The following KIAA1549 variants were observed in gnomAD, a reference collection of about 807,000 sequenced individuals.
KIAA1549 encodes the protein UPF0606 protein KIAA1549.
A neutral mutation model predicts 156.4 loss-of-function variants in KIAA1549; 70 were observed. The ratio of observed to expected loss-of-function variants is 0.45; its 90% CI spans 0.37 to 0.55. KIAA1549 has a LOEUF of 0.55. Ranked by LOEUF, KIAA1549 falls within the 20% of genes least tolerant of loss-of-function variation. The pLI is 0.00. For missense variants in KIAA1549, 2,428 were observed against 2,540.9 expected, an observed-to-expected ratio of 0.96 and a Z score of 0.96; for synonymous variants, 1,103 against 1,066.4, an observed-to-expected ratio of 1.03 and a Z score of -0.67.
intron 10 of KIAA1549, among the ~76,000 whole-genome samples, chr7:138,885,096 G>T (rs1291157048): frequency 6.6e-6 from 1 of 152,098 alleles, no homozygotes; most frequent in East Asian, 1.9e-4. Flanking sequence ...TCGGGAGGCT[G>T]AGGCAGGAGA....
At chr7:138,910,148 T>G (rs1321505631) in intron 4 of KIAA1549, among the ~76,000 whole-genome samples, 2 of 152,082 alleles carry the variant, frequency 1.3e-5, no homozygotes, top group Non-Finnish European at 2.9e-5. Flanking sequence ...AACGGAAAAG[T>G]GGTTGAAGAC....
intron 1 of KIAA1549, among the ~76,000 whole-genome samples, chr7:138,974,757 C>A (rs1396288928): frequency 6.6e-6 from 1 of 150,702 alleles, no homozygotes; most frequent in Admixed American, 6.7e-5. Flanking sequence ...GTCAAATGCT[C>A]GCAATGAATG....
rs763287042 is a variant in KIAA1549 at position 138,861,432 on chromosome 7, C to T, written c.4954G>A (p.Val1652Met). 1 of 1,611,762 alleles carries T rather than the reference C, an allele frequency of 6.2e-7. No individual in the cohort carries two copies. The highest frequency in any genetic ancestry group is 8.5e-7 in the Non-Finnish European group (1 of 1,178,998). ...CPSDPDLPAD[V>M]QTPSSVELGR... The stretch of plus-strand genomic sequence containing the variant: ...AGTTCCACCGAGGATGGTGTCTGCA[C>T]ATCGGCTGGGAGGTCAGGATCCGAC... The change falls in exon 16 of 20, where the codon GTG (valine) becomes ATG (methionine). Residue 1652 changes from valine (V) to methionine (M), a missense_variant. Physicochemically the swap from Val to Met is conservative, Grantham distance 21. Coordinates refer to ENST00000422774, the MANE Select transcript of KIAA1549 (RefSeq NM_001164665.2).
chr7:138,881,643 G>T lies in KIAA1549; in HGVS notation c.4033-59C>A, dbSNP rs930253724. ...ACCCGGAATCCAAGGCTGATGAGAG[G>T]AGCACAACTTCTGACCCAAGACTGT... On this transcript the variant is annotated intron_variant, in intron 10 of 19. Coordinates refer to ENST00000422774, the MANE Select transcript of KIAA1549 (RefSeq NM_001164665.2). 6 of 1,463,038 alleles carry T rather than the reference G, an allele frequency of 4.1e-6. No homozygotes were observed. In the Admixed American group the frequency reaches 8.0e-5, roughly 20 times the overall value. The allele number at this position is 1,463,038 out of a possible 1,614,324, so 90.6% of individuals were successfully genotyped here. A position where few individuals can be genotyped will look rare whatever the true frequency, so the allele number is the denominator to read the frequency against.
At chr7:138,947,405 T>A (rs1207745750) in intron 1 of KIAA1549, among the ~76,000 whole-genome samples, 1 of 152,126 alleles carries the variant, frequency 6.6e-6, no homozygotes, top group Non-Finnish European at 1.5e-5. Flanking sequence ...GTTAGTAACA[T>A]GTGGAGCTGG....
rs138012862 is a variant in KIAA1549 at position 138,935,639 on chromosome 7, G to A, written c.188-16201C>T. Among the ~76,000 whole-genome samples, 22 of 152,254 alleles carry A rather than the reference G, an allele frequency of 1.4e-4. No individual in the cohort carries two copies. In the East Asian group the frequency reaches 4.1e-3, roughly 28 times the overall value. On this transcript the variant is annotated intron_variant, in intron 1 of 19. Coordinates refer to ENST00000422774, the MANE Select transcript of KIAA1549 (RefSeq NM_001164665.2). ...CACGACATCCCATGACTAAGCATGA[G>A]CAGGCACCTTCCCTCCCAACAGCAG...
intron 1 of KIAA1549, among the ~76,000 whole-genome samples, chr7:138,923,234 G>A (rs945431388): frequency 3.3e-5 from 5 of 152,216 alleles, no homozygotes; most frequent in African/African-American, 1.2e-4. Context: ...CAGTAAATGA[G>A]CTTCTAAATA....
Position 138,869,586 on chromosome 7 carries a change from A to G in KIAA1549, c.4727T>C (p.Leu1576Pro). Reference protein sequence around the residue: ...RRAQMQIDKILDPTASVPSVF... With the variant: ...RRAQMQIDKIPDPTASVPSVF... ...GGAGGGCACGCTGGCCGTGGGGTCC[A>G]GGATCTTGTCGATCTGCATCTGTGC... is the stretch of plus-strand genomic sequence containing the variant. Residue 1576 changes from leucine to proline, a missense_variant, in exon 14 of 20, where the codon CTG becomes CCG. Transcript: ENST00000422774. The G allele has an allele frequency of 6.3e-7, 1 of 1,598,390 alleles. No individual in the cohort carries two copies. The highest frequency in any genetic ancestry group is 8.5e-7 in the Non-Finnish European group (1 of 1,173,910).
At chr7:138,980,958 A>T in intron 1 of KIAA1549, 125 bp downstream of exon 1, 1 of 909,050 alleles carries the variant, frequency 1.1e-6, no homozygotes, top group African/African-American at 1.8e-5. Context: ...AGCATCTTCC[A>T]GAAAGGACGG....
In KIAA1549 at chr7:138,835,302, G is replaced by T. The variant is rs1285488453; in HGVS notation, c.*2604C>A. The T allele has an allele frequency of 4.6e-6, 1 of 215,464 alleles. No homozygotes were observed. 13.3% of individuals were successfully genotyped at this position (215,464 alleles called of 1,614,324 possible). A position where few individuals can be genotyped will look rare whatever the true frequency, so the allele number is the denominator to read the frequency against. On this transcript the variant is annotated 3_prime_UTR_variant, in exon 20 of 20. Transcript: ENST00000422774. ...TGTGTGTGCTTTATGACCACCAGCA[G>T]AGGGCTGGTGATCCGGGGGCCTGCT...
intron 1 of KIAA1549, among the ~76,000 whole-genome samples, chr7:138,933,444 T>C (rs1812927148): frequency 1.3e-5 from 2 of 152,168 alleles, no homozygotes; most frequent in Non-Finnish European, 2.9e-5. Context: ...ACTGAGGAGC[T>C]GTGACAACTA....
At chr7:138,867,834 C>T (rs1563055388) in intron 15 of KIAA1549, 141 bp downstream of exon 15, 9 of 887,596 alleles carry the variant, frequency 1.0e-5, no homozygotes, top group African/African-American at 1.7e-5. Context: ...CCTAGAGGGC[C>T]CTGGTGCATC....
At chr7:138,930,538 G>A (rs1812839994) in intron 1 of KIAA1549, among the ~76,000 whole-genome samples, 1 of 152,206 alleles carries the variant, frequency 6.6e-6, no homozygotes, top group South Asian at 2.1e-4. Context: ...ATAATTTGCT[G>A]TTACACCTTG....
intron 15 of KIAA1549, among the ~76,000 whole-genome samples, chr7:138,863,328 C>T (rs909990481): frequency 2.0e-5 from 3 of 151,816 alleles, no homozygotes; most frequent in African/African-American, 7.3e-5. Context: ...AAGGGGCCAA[C>T]GAAGACATTC....
intron 1 of KIAA1549, among the ~76,000 whole-genome samples, chr7:138,934,848 C>G (rs1364739840): frequency 6.6e-6 from 1 of 152,216 alleles, no homozygotes; most frequent in Admixed American, 6.5e-5. Flanking sequence ...GGCCATGATA[C>G]CGGCAGTGGG....
intron 1 of KIAA1549, among the ~76,000 whole-genome samples, chr7:138,951,077 T>C (rs965863816): frequency 3.9e-5 from 6 of 152,164 alleles, no homozygotes; most frequent in African/African-American, 1.4e-4. Flanking sequence ...TGTTTTGTTT[T>C]GTTTTGAGAT....
intron 10 of KIAA1549, among the ~76,000 whole-genome samples, chr7:138,885,962 C>A (rs1051841211): frequency 1.3e-5 from 2 of 152,062 alleles, no homozygotes; most frequent in African/African-American, 4.8e-5. Context: ...TGGACAGTGT[C>A]GGAACTGAAT....
intron 1 of KIAA1549, among the ~76,000 whole-genome samples, chr7:138,955,266 C>A (rs1001019917): frequency 2.0e-5 from 3 of 152,144 alleles, no homozygotes; most frequent in African/African-American, 7.2e-5. Context: ...AATGAATAAA[C>A]AAACGGTGGC....
chr7:138,917,310 G>T lies in KIAA1549; in HGVS notation c.2316C>A (p.Pro772=), dbSNP rs61746877. 1 of 1,613,206 alleles carries T rather than the reference G, an allele frequency of 6.2e-7. No individual in the cohort carries two copies. The highest frequency in any genetic ancestry group is 8.5e-7 in the Non-Finnish European group (1 of 1,179,464). ...TCAAAATGTCAAAAGACTCAGAGCC[G>T]GGGGGCACCAGTGCAGTGACTGCGG... ...HESAVTALVP[P]GSESFDILTA... Residue 772 remains proline, a synonymous_variant, in exon 2 of 20, where the codon CCC becomes CCA. Transcript: ENST00000422774.
Sources: allele counts gnomAD v4.1 joint callset (sites outside exome capture counted in the v4.1 genomes callset), GRCh38; gene constraint gnomAD v4.1.1; transcripts MANE v1.5; gene names NCBI Gene and HGNC (gene_info 2026-07-23, HGNC 2026-07-21).